Variants in ABL2 observed in about 807,000 individuals in gnomAD.
The protein encoded by ABL2 is tyrosine-protein kinase ABL2.
A neutral mutation model predicts 107.7 loss-of-function variants in ABL2; 49 were observed. The observed-to-expected ratio is 0.45, with a 90% CI of 0.36 to 0.58. The LOEUF (loss-of-function observed/expected upper bound fraction) is 0.58. ABL2 is among the 20% of genes least tolerant of loss of function. The pLI is 0.00. For missense variants in ABL2, 1,245 were observed against 1,457.0 expected, an observed-to-expected ratio of 0.85 and a Z score of 2.37; for synonymous variants, 549 against 548.6, an observed-to-expected ratio of 1.00 and a Z score of -0.01.
rs187786179 is a variant in ABL2 at position 179,185,085 on chromosome 1, A to G, written c.157+44156T>C. Among the ~76,000 whole-genome samples the G allele has an allele frequency of 5.3e-5, 8 of 152,332 alleles. No homozygotes were observed. The East Asian group carries it at 1.5e-3, about 29-fold the overall frequency. Reference sequence around the variant, plus strand: ...TCCTTTCTCTGTATACTGGACTCAGACAGTACACTGTGTCTCTACGTGAAT... The same window carrying G: ...TCCTTTCTCTGTATACTGGACTCAGGCAGTACACTGTGTCTCTACGTGAAT... On this transcript the variant is annotated intron_variant, in intron 1 of 11. Transcript: ENST00000502732.
At chr1:179,214,519 C>CATATATATATATTAT (rs1662453233) in intron 1 of ABL2, among the ~76,000 whole-genome samples, 1 of 122,134 alleles carries the variant, frequency 8.2e-6, no homozygotes, top group South Asian at 2.9e-4. Flanking sequence ...TTTAAAATGA[C>CATATATATATATTAT]ATATATATAT....
intron 2 of ABL2, among the ~76,000 whole-genome samples, chr1:179,132,941 C>T (rs1656486138): frequency 6.6e-6 from 1 of 151,866 alleles, no homozygotes; most frequent in South Asian, 2.1e-4. Flanking sequence ...TCACTGCAAC[C>T]TTCACGTCCT....
chr1:179,222,071 CA>C, intron 1 of ABL2: 1 of 192,278 alleles, frequency 5.2e-6, no homozygotes, highest in Admixed American at 5.2e-5. Flanking sequence ...GCTTTTCTTC[CA>C]AGGAGATGAT....
intron 3 of ABL2, among the ~76,000 whole-genome samples, chr1:179,128,179 C>T (rs959218840): frequency 6.6e-6 from 1 of 151,988 alleles, no homozygotes; most frequent in African/African-American, 2.4e-5. Flanking sequence ...ACCATCTCAC[C>T]TTAGACACAT....
chr1:179,122,549 A>C (rs1655323978), intron 4 of ABL2, among the ~76,000 whole-genome samples: 1 of 152,076 alleles, frequency 6.6e-6, no homozygotes, highest in Non-Finnish European at 1.5e-5. Context: ...AAAACCTTCC[A>C]AGATCTCTCT....
intron 1 of ABL2, among the ~76,000 whole-genome samples, chr1:179,147,038 CAT>C (rs1658030771): frequency 6.6e-6 from 1 of 150,906 alleles, no homozygotes; most frequent in South Asian, 2.1e-4. Flanking sequence ...CTCCAGCCCA[CAT>C]GACAGAGCCA....
At position 179,114,957 on chromosome 1, in the gene ABL2, G is replaced by C. The variant is rs1270912410; in HGVS notation, c.1482C>G (p.Val494=). ...GATATCCTTTTTCTAGTAGGTCATA[G>C]ACCTGAGACAGGTCAATACCTGGAT... ...SPYPGIDLSQ[V]YDLLEKGYRM... The change falls in exon 9 of 12, where the codon GTC becomes GTG. Residue 494 remains valine, a synonymous_variant. Transcript: ENST00000502732. The C allele has an allele frequency of 3.7e-6, 6 of 1,612,192 alleles. No homozygotes were observed. In the African/African-American group the frequency reaches 4.0e-5, roughly 11 times the overall value.
At chr1:179,228,379 AC>A (rs1214736666) in intron 1 of ABL2, among the ~76,000 whole-genome samples, 4 of 152,106 alleles carry the variant, frequency 2.6e-5, no homozygotes, top group African/African-American at 4.8e-5. Context: ...AAACAAAAAA[AC>A]AAGACAAAAA....
chr1:179,120,312 G>A (rs751914038), intron 5 of ABL2, 38 bp from the exon 6 acceptor site: 1 of 1,331,394 alleles, frequency 7.5e-7, no homozygotes, highest in Non-Finnish European at 1.1e-6. Context: ...GAAAACGAGA[G>A]GGACAAACCC....
At position 179,180,127 on chromosome 1, in the gene ABL2, C is replaced by CA. The variant is rs998732732; in HGVS notation, c.158-46754dup. On this transcript the variant is annotated intron_variant, in intron 1 of 11. Coordinates refer to ENST00000502732, the MANE Select transcript of ABL2 (RefSeq NM_007314.4). ...AGAGTGAGACCCTGTCTTAAAAAAA[C>CA]AAAAAAAAAAAGGGGGGAAATACTT... 5.7e-3 allele frequency among the ~76,000 whole-genome samples: 752 copies of CA among 132,820 alleles called. 9 individuals carry two copies. Among genetic ancestry groups the CA allele is most frequent in the East Asian group, 0.034 (156 of 4,562 alleles). 87.1% of individuals were successfully genotyped at this position (132,820 alleles called of 152,430 possible).
intron 1 of ABL2, chr1:179,184,315 G>C (rs1660560258): frequency 1.8e-6 from 1 of 545,368 alleles, no homozygotes; most frequent in Non-Finnish European, 3.3e-6. Context: ...TTGAATGAGA[G>C]TGGTATTCCA....
At chr1:179,226,167 T>G (rs1244876437) in intron 1 of ABL2, among the ~76,000 whole-genome samples, 1 of 151,912 alleles carries the variant, frequency 6.6e-6, no homozygotes, top group Non-Finnish European at 1.5e-5. Flanking sequence ...CTAATTCCTT[T>G]CTTTTCATAC....
chr1:179,116,894 G>A (rs576128182), intron 8 of ABL2: 30 of 192,576 alleles, frequency 1.6e-4, no homozygotes, highest in Admixed American at 3.8e-4. Flanking sequence ...GTGCAGTGGC[G>A]CCATCTTGGC....
At chr1:179,140,231 T>C (rs1404356286) in intron 1 of ABL2, among the ~76,000 whole-genome samples, 3 of 152,232 alleles carry the variant, frequency 2.0e-5, no homozygotes, top group Non-Finnish European at 4.4e-5. Flanking sequence ...CTGACATCAA[T>C]GCTATTGCTT....
chr1:179,164,590 T>G (rs1165055057), intron 1 of ABL2, among the ~76,000 whole-genome samples: 3 of 152,156 alleles, frequency 2.0e-5, no homozygotes, highest in Non-Finnish European at 4.4e-5. Context: ...ATTCCCAAAC[T>G]CAATGTTGCT....
At position 179,142,715 on chromosome 1, in the gene ABL2, T is replaced by C. The variant is rs77938858; in HGVS notation, c.158-9341A>G. Among the ~76,000 whole-genome samples, 734 of 152,312 alleles carry C rather than the reference T, an allele frequency of 4.8e-3. 7 individuals carry two copies. Among genetic ancestry groups the C allele is most frequent in the African/African-American group, 0.017 (702 of 41,570 alleles). On this transcript the variant is annotated intron_variant, in intron 1 of 11. Coordinates refer to ENST00000502732, the MANE Select transcript of ABL2 (RefSeq NM_007314.4). ...TCTTCACATCAAGCCATCTATATCTTATTATTACAAAATACTACATATTAT... is the reference window on the plus strand; with the variant it reads ...TCTTCACATCAAGCCATCTATATCTCATTATTACAAAATACTACATATTAT...
At chr1:179,212,074 G>A (rs1293329323) in intron 1 of ABL2, among the ~76,000 whole-genome samples, 1 of 152,172 alleles carries the variant, frequency 6.6e-6, no homozygotes, top group African/African-American at 2.4e-5. Context: ...AATCATGGTG[G>A]AAGGCACCTC....
intron 1 of ABL2, among the ~76,000 whole-genome samples, chr1:179,149,084 C>A (rs1658211869): frequency 1.3e-5 from 2 of 152,132 alleles, no homozygotes; most frequent in African/African-American, 4.8e-5. Context: ...ACAAGTTAGC[C>A]AAGTTGTGAA....
rs1655751760 is a variant in ABL2, at chr1:179,126,704, A to G, written c.392-32T>C. On this transcript the variant is annotated intron_variant, in intron 3 of 11. Transcript: ENST00000502732. This position sits in a 1 kb window ranked among gnomAD's most constrained non-coding sequence, Gnocchi z 4.4. ...ATAAGGTCATCACAGGATGAAAGAAACGATGTTAAGACTTTATTTCAACTG... is the reference window on the plus strand; with the variant it reads ...ATAAGGTCATCACAGGATGAAAGAAGCGATGTTAAGACTTTATTTCAACTG... 3.8e-6 allele frequency: 6 copies of G among 1,578,964 alleles called. No homozygotes were observed. The East Asian group carries it at 1.4e-4, about 36-fold the overall frequency.
Sources: gnomAD v4.1 joint callset for allele counts (sites outside exome capture counted in the v4.1 genomes callset) on GRCh38, gnomAD v4.1.1 for gene constraint, Gnocchi (gnomAD v3.1) non-coding constraint, MANE v1.5 for transcripts, NCBI Gene and HGNC (gene_info 2026-07-23, HGNC 2026-07-21) for gene names.